The following TRPC6 variants were observed in gnomAD, a reference collection of about 807,000 sequenced individuals.
TRPC6 encodes the protein transient receptor potential cation channel subfamily C member 6, also known as short transient receptor potential channel 6.
Under a neutral mutation model 90.7 loss-of-function variants are expected in TRPC6, and 55 were observed. That is an observed-to-expected ratio of 0.61 (90% confidence interval 0.49 to 0.76). TRPC6 has a LOEUF of 0.76. TRPC6 is among the 30% of genes least tolerant of loss of function. The pLI, the probability that TRPC6 is intolerant of heterozygous loss-of-function variation, is 0.00. For missense variants in TRPC6, 989 were observed against 1,122.7 expected (o/e 0.88, Z 1.70); for synonymous variants, 393 against 393.0 (o/e 1.00, Z 0.00).
intron 1 of TRPC6, among the ~76,000 whole-genome samples, chr11:101,563,242 T>G (rs1015241417): frequency 1.3e-5 from 2 of 152,158 alleles, no homozygotes; most frequent in African/African-American, 2.4e-5. Context: ...AGAAACTGAT[T>G]ATAAGGTTGA....
intron 1 of TRPC6, among the ~76,000 whole-genome samples, chr11:101,557,135 C>G (rs1402485194): frequency 6.6e-6 from 1 of 151,946 alleles, no homozygotes; most frequent in Non-Finnish European, 1.5e-5. Flanking sequence ...GTAGGCAGAT[C>G]ATTGAGGCCA....
In TRPC6 at chr11:101,453,105, C is replaced by T. The variant is rs1437572104; in HGVS notation, c.2646G>A (p.Gly882=). 6.2e-7 allele frequency: 1 copy of T among 1,606,356 alleles called. No individual in the cohort carries two copies. Among genetic ancestry groups the T allele is most frequent in the African/African-American group, 1.4e-5 (1 of 69,506 alleles). ...IDKESDEVNE[G]ELKEIKQDIS... ...TGTCCTGCTTAATTTCCTTCAGTTC[C>T]CCTTTGAAAGCAAGAGTGATAAGAA... Residue 882 remains glycine, a splice_region_variant and synonymous_variant, in exon 13 of 13, where the codon GGG becomes GGA. Coordinates refer to ENST00000344327, the MANE Select transcript of TRPC6 (RefSeq NM_004621.6).
intron 10 of TRPC6, among the ~76,000 whole-genome samples, chr11:101,467,786 A>G (rs578005231): frequency 2.0e-5 from 3 of 152,230 alleles, no homozygotes; most frequent in African/African-American, 7.2e-5. Context: ...TTTTTTTTAA[A>G]TATCTAACTC....
At chr11:101,526,903 A>G (rs1860795057) in intron 1 of TRPC6, among the ~76,000 whole-genome samples, 1 of 148,520 alleles carries the variant, frequency 6.7e-6, no homozygotes, top group Non-Finnish European at 1.5e-5. Flanking sequence ...AAAAAATTAA[A>G]TAGTCTTAGT....
At position 101,504,690 on chromosome 11, in the gene TRPC6, T is replaced by C. The variant is rs912127658; in HGVS notation, c.279A>G (p.Thr93=). 3 of 1,597,248 alleles carry C rather than the reference T, an allele frequency of 1.9e-6. No homozygotes were observed. Among genetic ancestry groups the C allele is most frequent in the Non-Finnish European group, 2.6e-6 (3 of 1,170,398 alleles). Residue 93 remains threonine, a synonymous_variant, in exon 2 of 13, where the codon ACA becomes ACG. Transcript: ENST00000344327. ...GPAYMFSDRS[T]SLSIEEERFL... ...AGCGTTCCTCCTCTATAGATAGGCT[T>C]GTGGAGCGATCACTAAACATGTATG... is the stretch of plus-strand genomic sequence containing the variant.
chr11:101,572,265 A>G (rs1408946282), intron 1 of TRPC6, among the ~76,000 whole-genome samples: 1 of 59,534 alleles, frequency 1.7e-5, no homozygotes, highest in Non-Finnish European at 5.0e-5. Flanking sequence ...CAAACATATG[A>G]AAAAAAAACT....
At chr11:101,577,269 G>T (rs1031537188) in intron 1 of TRPC6, among the ~76,000 whole-genome samples, 1 of 151,852 alleles carries the variant, frequency 6.6e-6, no homozygotes, top group African/African-American at 2.4e-5. Flanking sequence ...AGAAATCATT[G>T]TGTCGCACAT....
chr11:101,489,824 A>G (rs150921164), intron 3 of TRPC6, among the ~76,000 whole-genome samples: 2 of 152,262 alleles, frequency 1.3e-5, no homozygotes, highest in African/African-American at 4.8e-5. Flanking sequence ...GAAGAACTAC[A>G]AGTGAATCTT....
intron 5 of TRPC6, among the ~76,000 whole-genome samples, chr11:101,476,853 C>G (rs980034198): frequency 6.6e-5 from 10 of 152,162 alleles, no homozygotes; most frequent in Admixed American, 1.3e-4. Context: ...CCAAACACAC[C>G]CACACACTCA....
chr11:101,548,960 T>C (rs937923538), intron 1 of TRPC6, among the ~76,000 whole-genome samples: 5 of 151,180 alleles, frequency 3.3e-5, no homozygotes, highest in Admixed American at 1.3e-4. Flanking sequence ...ACTCTGGGGG[T>C]AGTACCAAGG....
At chr11:101,541,444 C>T (rs1404908470) in intron 1 of TRPC6, among the ~76,000 whole-genome samples, 2 of 152,178 alleles carry the variant, frequency 1.3e-5, no homozygotes, top group East Asian at 1.9e-4. Flanking sequence ...TCACTGCAAC[C>T]TCCACCTTTC....
chr11:101,549,222 T>G (rs1861397364), intron 1 of TRPC6, among the ~76,000 whole-genome samples: 1 of 152,076 alleles, frequency 6.6e-6, no homozygotes, highest in African/African-American at 2.4e-5. Context: ...TGAACAGAAC[T>G]CAAAACCTAG....
intron 10 of TRPC6, among the ~76,000 whole-genome samples, chr11:101,467,629 C>A (rs1366512020): frequency 6.6e-6 from 1 of 152,292 alleles, no homozygotes; most frequent in East Asian, 1.9e-4. Context: ...CCTATGTATT[C>A]TATTCATGAT....
rs370490995 is a variant in TRPC6, at chr11:101,467,642, C to T, written c.2484+1785G>A. The stretch of plus-strand genomic sequence containing the variant: ...TTCCTATGTATTCTATTCATGATAA[C>T]CATCATTATGAGAACATGGGTGGTA... On this transcript the variant is annotated intron_variant, in intron 10 of 12. Transcript: ENST00000344327. Among the ~76,000 whole-genome samples the T allele has an allele frequency of 1.8e-4, 28 of 152,298 alleles. No homozygotes were observed. In the East Asian group the frequency reaches 3.7e-3, roughly 20 times the overall value.
chr11:101,516,108 G>GAAA lies in TRPC6; in HGVS notation c.171-11313_171-11311dup, dbSNP rs10635008. Among the ~76,000 whole-genome samples, 107 of 133,304 alleles carry GAAA rather than the reference G, an allele frequency of 8.0e-4. 4 individuals carry two copies. The highest frequency in any genetic ancestry group is 1.6e-3 in the African/African-American group (57 of 35,222). The allele number at this position is 133,304 out of a possible 152,430, so 87.5% of individuals were successfully genotyped here. A position where few individuals can be genotyped will look rare whatever the true frequency, so the allele number is the denominator to read the frequency against. Reference sequence around the variant, plus strand: ...TGAATTTCTTTTAAAATGCAGCTGGGAAAAAAAAAAAAAAGCAGAGTTTCA... The same window carrying GAAA: ...TGAATTTCTTTTAAAATGCAGCTGGGAAAAAAAAAAAAAAAAAGCAGAGTTTCA... On this transcript the variant is annotated intron_variant, in intron 1 of 12. Coordinates refer to ENST00000344327, the MANE Select transcript of TRPC6 (RefSeq NM_004621.6).
intron 1 of TRPC6, among the ~76,000 whole-genome samples, chr11:101,524,802 A>T (rs2136784749): frequency 6.6e-6 from 1 of 152,356 alleles, no homozygotes; most frequent in East Asian, 1.9e-4. Context: ...GAATAAGTAC[A>T]GGTGATTTTA....
intron 1 of TRPC6, among the ~76,000 whole-genome samples, chr11:101,530,041 C>A (rs7926134): frequency 0.76 from 115,430 of 152,022 alleles, 45,381 homozygotes; most frequent in Middle Eastern, 0.87. Context: ...AGGTCCACCA[C>A]CCACAGGCCT....
rs61743044 is a variant in TRPC6, at chr11:101,472,227, G to A, written c.2115C>T (p.Tyr705=). 37,880 of 1,612,978 alleles carry A rather than the reference G, an allele frequency of 0.023. 727 individuals carry two copies. The highest frequency in any genetic ancestry group is 0.11 in the African/African-American group (7,877 of 74,938). ...YNHKFIENIG[Y]VLYGVYNVTM... is the part of the protein sequence containing the mutation. ...TAACATTATAGACTCCATAAAGAAC[G>A]TAACCAATGTTTTCAATGAATTTGT... Residue 705 remains tyrosine (Y), a synonymous_variant, in exon 8 of 13, where the codon TAC becomes TAT. Coordinates refer to ENST00000344327, the MANE Select transcript of TRPC6 (RefSeq NM_004621.6).
At chr11:101,524,223 G>C (rs1860724315) in intron 1 of TRPC6, among the ~76,000 whole-genome samples, 1 of 152,156 alleles carries the variant, frequency 6.6e-6, no homozygotes, top group African/African-American at 2.4e-5. Flanking sequence ...TGGAGACGCA[G>C]TGGCTTCAGT....
Sources: allele counts gnomAD v4.1 joint callset (sites outside exome capture counted in the v4.1 genomes callset), GRCh38; gene constraint gnomAD v4.1.1; transcripts MANE v1.5; gene names NCBI Gene and HGNC (gene_info 2026-07-23, HGNC 2026-07-21).